Variants in AGPAT3 observed in about 807,000 individuals in gnomAD.
The protein encoded by AGPAT3 is 1-acyl-sn-glycerol-3-phosphate acyltransferase gamma.
In AGPAT3, 5 loss-of-function variants were observed where a neutral mutation model predicts 47.3. That is an observed-to-expected ratio of 0.11 (90% CI 0.06 to 0.22). The LOEUF is 0.22. Among genes scored for constraint, AGPAT3 ranks in the 10% least tolerant of loss-of-function variants. AGPAT3 has a pLI of 1.00. For missense variants in AGPAT3, 315 were observed against 493.0 expected (o/e 0.64, Z 3.42); for synonymous variants, 212 against 208.3 (o/e 1.02, Z -0.15).
At chr21:43,967,884 G>C (rs943032410) in intron 3 of AGPAT3, 62 bp from the exon 4 acceptor site, 1 of 1,542,730 alleles carries the variant, frequency 6.5e-7, no homozygotes, top group Admixed American at 1.9e-5. Context: ...TCCTGTGGGC[G>C]CTCCCTGACC....
chr21:43,956,623 C>T (rs2088479251), intron 2 of AGPAT3, among the ~76,000 whole-genome samples: 1 of 152,226 alleles, frequency 6.6e-6, no homozygotes, highest in Admixed American at 6.5e-5. Flanking sequence ...AACAGTACAA[C>T]TCCTTAACCC....
chr21:43,937,950 A>G (rs2087503088), intron 2 of AGPAT3, among the ~76,000 whole-genome samples: 1 of 152,088 alleles, frequency 6.6e-6, no homozygotes, highest in Admixed American at 6.5e-5. Flanking sequence ...TCATATTTGC[A>G]TATTTTGGGG....
At position 43,903,988 on chromosome 21, in the gene AGPAT3, G is replaced by C. The variant is rs897293901; in HGVS notation, c.-80G>C. 3.3e-5 allele frequency: 5 copies of C among 152,530 alleles called. No homozygotes were observed. The highest frequency in any genetic ancestry group is 1.3e-4 in the Admixed American group (2 of 15,286). 9.4% of individuals were successfully genotyped at this position (152,530 alleles called of 1,614,324 possible). Reference sequence around the variant, plus strand: ...CCAGCCGGAAGCCCTGAGGGCAGCTGTTCCCACTGGCTCTGCTGACCTTGT... The same window carrying C: ...CCAGCCGGAAGCCCTGAGGGCAGCTCTTCCCACTGGCTCTGCTGACCTTGT... On this transcript the variant is annotated 5_prime_UTR_variant, in exon 2 of 10. Coordinates refer to ENST00000291572, the MANE Select transcript of AGPAT3 (RefSeq NM_020132.5).
chr21:43,880,594 A>G lies in AGPAT3; in HGVS notation c.-112+15249A>G, dbSNP rs186748541. ...CAGTGGTATTGCCACTGAGTGTGGGATGGGTCACAGCTATGTCTGTGGCCT... is the reference window on the plus strand; with the variant it reads ...CAGTGGTATTGCCACTGAGTGTGGGGTGGGTCACAGCTATGTCTGTGGCCT... On this transcript the variant is annotated intron_variant, in intron 1 of 9. Transcript: ENST00000291572. The surrounding 1 kb of genome is among the most constrained non-coding windows in gnomAD (Gnocchi z 4.5). 2.6e-5 allele frequency among the ~76,000 whole-genome samples: 4 copies of G among 152,310 alleles called. No homozygotes were observed. Among genetic ancestry groups the G allele is most frequent in the African/African-American group, 9.6e-5 (4 of 41,544 alleles).
chr21:43,899,559 C>T (rs1291162782), intron 1 of AGPAT3, among the ~76,000 whole-genome samples: 1 of 152,178 alleles, frequency 6.6e-6, no homozygotes, highest in Non-Finnish European at 1.5e-5. Flanking sequence ...TTACCGAGTG[C>T]GTTGGGGAGG....
rs115715432 is a variant in AGPAT3, at chr21:43,893,222, A to G, written c.-111-10735A>G. Among the ~76,000 whole-genome samples, 1,357 of 152,320 alleles carry G rather than the reference A, an allele frequency of 8.9e-3. 24 individuals are homozygous for G. Among genetic ancestry groups the G allele is most frequent in the African/African-American group, 0.031 (1,272 of 41,562 alleles). ...CTTCACCTGCACTTTTATGTGAAGA[A>G]GATGTGGCTTCTTTTCTTAAATCTC... On this transcript the variant is annotated intron_variant, in intron 1 of 9. Transcript: ENST00000291572.
At chr21:43,969,050 G>T in intron 4 of AGPAT3, 68 bp from the exon 5 acceptor site, 2 of 1,543,710 alleles carry the variant, frequency 1.3e-6, no homozygotes, top group Non-Finnish European at 1.8e-6. Flanking sequence ...TGCAGCGGGA[G>T]CCTGGCCAAG....
chr21:43,911,396 T>C (rs2086630225), intron 2 of AGPAT3, among the ~76,000 whole-genome samples: 1 of 152,002 alleles, frequency 6.6e-6, no homozygotes, highest in African/African-American at 2.4e-5. Context: ...AGCTGCGCTC[T>C]TATATTGAGG....
intron 1 of AGPAT3, among the ~76,000 whole-genome samples, chr21:43,879,402 C>A (rs899864911): frequency 3.4e-5 from 5 of 148,274 alleles, no homozygotes; most frequent in Admixed American, 2.0e-4. Context: ...AGTAAAGCTT[C>A]ATCTCCTGTG....
chr21:43,967,705 T>A, intron 3 of AGPAT3: 1 of 505,112 alleles, frequency 2.0e-6, no homozygotes, highest in Non-Finnish European at 3.5e-6. Context: ...GATCAGCGTC[T>A]CCATGCAGAG....
Position 43,954,734 on chromosome 21 carries a change from T to G in AGPAT3, c.-48-4900T>G, listed in dbSNP as rs983977132. On this transcript the variant is annotated intron_variant, in intron 2 of 9. Coordinates refer to ENST00000291572, the MANE Select transcript of AGPAT3 (RefSeq NM_020132.5). The surrounding 1 kb of genome is among the most constrained non-coding windows in gnomAD (Gnocchi z 4.0). ...AGGGCTGAAGCCAGCCCCTCTGATC[T>G]GGCACTGGCCGGCTCCATTCACCCT... 6 of 153,400 alleles carry G rather than the reference T, an allele frequency of 3.9e-5. No individual in the cohort carries two copies. The highest frequency in any genetic ancestry group is 1.4e-4 in the African/African-American group (6 of 41,602). The allele number at this position is 153,400 out of a possible 1,614,324, so 9.5% of individuals were successfully genotyped here. A position where few individuals can be genotyped will look rare whatever the true frequency, so the allele number is the denominator to read the frequency against.
rs368002934 is a variant in AGPAT3, at chr21:43,951,012, G to A, written c.-48-8622G>A. 40 of 152,354 alleles carry A rather than the reference G, an allele frequency of 2.6e-4. 1 individual carries two copies. Among genetic ancestry groups the A allele is most frequent in the African/African-American group, 9.1e-4 (38 of 41,566 alleles). 9.4% of individuals were successfully genotyped at this position (152,354 alleles called of 1,614,324 possible). A position where few individuals can be genotyped will look rare whatever the true frequency, so the allele number is the denominator to read the frequency against. On this transcript the variant is annotated intron_variant, in intron 2 of 9. Transcript: ENST00000291572. ...TGAAGACCCTTTGAGATATCACTGCGTCTCTACTGTTCCTGATGGTGGACT... is the reference window on the plus strand; with the variant it reads ...TGAAGACCCTTTGAGATATCACTGCATCTCTACTGTTCCTGATGGTGGACT...
In AGPAT3 at chr21:43,930,249, G is replaced by A. The variant is rs916295091; in HGVS notation, c.-49+26230G>A. On this transcript the variant is annotated intron_variant, in intron 2 of 9. Transcript: ENST00000291572. The surrounding 1 kb of genome is among the most constrained non-coding windows in gnomAD (Gnocchi z 5.0). ...TTGTGGGAGGTCTCAGGGCAGAGAC[G>A]CCGCACGGTGGGGTAGGGGGCTCTG... is the stretch of plus-strand genomic sequence containing the variant. Among the ~76,000 whole-genome samples, 5 of 152,154 alleles carry A rather than the reference G, an allele frequency of 3.3e-5. No individual in the cohort carries two copies. Among genetic ancestry groups the A allele is most frequent in the African/African-American group, 1.2e-4 (5 of 41,442 alleles).
In AGPAT3 at chr21:43,880,029, C is replaced by T. The variant is rs961774554; in HGVS notation, c.-112+14684C>T. Among the ~76,000 whole-genome samples the T allele has an allele frequency of 1.3e-5, 2 of 152,220 alleles. No homozygotes were observed. The highest frequency in any genetic ancestry group is 2.1e-4 in the South Asian group (1 of 4,836). On this transcript the variant is annotated intron_variant, in intron 1 of 9. Transcript: ENST00000291572. This position sits in a 1 kb window ranked among gnomAD's most constrained non-coding sequence, Gnocchi z 4.5. ...TACTGTTTATTCTTGAAGAACAGGG[C>T]AGCATGACTCCGGGGCGGAGGACGC...
intron 1 of AGPAT3, among the ~76,000 whole-genome samples, chr21:43,903,320 A>G (rs763056699): frequency 6.6e-6 from 1 of 152,136 alleles, no homozygotes; most frequent in Non-Finnish European, 1.5e-5. Context: ...AGTTCTGGAG[A>G]TGGACAGGGG....
rs551616227 is a variant in AGPAT3, at chr21:43,933,669, C to T, written c.-48-25965C>T. ...CACTGGGGTTAGGCTCCAGTAGTCT[C>T]GGCATGTAGCAGCAAATGTGGGAGG... On this transcript the variant is annotated intron_variant, in intron 2 of 9. Transcript: ENST00000291572. This position sits in a 1 kb window ranked among gnomAD's most constrained non-coding sequence, Gnocchi z 6.0. Among the ~76,000 whole-genome samples, 14 of 151,926 alleles carry T rather than the reference C, an allele frequency of 9.2e-5. No individual in the cohort carries two copies. Among genetic ancestry groups the T allele is most frequent in the Middle Eastern group, 3.4e-3 (1 of 294 alleles).
Position 43,971,381 on chromosome 21 carries a change from C to T in AGPAT3, c.665-7C>T, listed in dbSNP as rs1383332811. On this transcript the variant is annotated splice_region_variant and splice_polypyrimidine_tract_variant and intron_variant, in intron 6 of 9. Coordinates refer to ENST00000291572, the MANE Select transcript of AGPAT3 (RefSeq NM_020132.5). ...TGGGTCATTCACCCTCCCGTCTCCT[C>T]CCACAGTCGCAGCTGTCTATGATGT... The T allele has an allele frequency of 1.2e-6, 2 of 1,613,760 alleles. No individual in the cohort carries two copies. The highest frequency in any genetic ancestry group is 2.2e-5 in the South Asian group (2 of 91,072).
In AGPAT3 at chr21:43,930,913, G is replaced by A. The variant is rs935295403; in HGVS notation, c.-49+26894G>A. 2.0e-5 allele frequency among the ~76,000 whole-genome samples: 3 copies of A among 152,186 alleles called. No homozygotes were observed. The highest frequency in any genetic ancestry group is 4.4e-5 in the Non-Finnish European group (3 of 68,018). On this transcript the variant is annotated intron_variant, in intron 2 of 9. Coordinates refer to ENST00000291572, the MANE Select transcript of AGPAT3 (RefSeq NM_020132.5). This position sits in a 1 kb window ranked among gnomAD's most constrained non-coding sequence, Gnocchi z 5.0. ...CTTCCTTCCTGCATGTTCCTGTTCCGCATTACAGATTGTTTTTATGGCCCC... is the reference window on the plus strand; with the variant it reads ...CTTCCTTCCTGCATGTTCCTGTTCCACATTACAGATTGTTTTTATGGCCCC...
rs370023736 is a variant in AGPAT3, at chr21:43,871,677, G to A, written c.-112+6332G>A. Among the ~76,000 whole-genome samples the A allele has an allele frequency of 5.1e-4, 78 of 152,316 alleles. No homozygotes were observed. The South Asian group carries it at 0.016, about 31-fold the overall frequency. ...AGCATCCTGCATATTTATTGGTTAT[G>A]TGTGTCCTTCCCTGTGAAGTTCCTG... On this transcript the variant is annotated intron_variant, in intron 1 of 9. Coordinates refer to ENST00000291572, the MANE Select transcript of AGPAT3 (RefSeq NM_020132.5).
Sources: allele counts gnomAD v4.1 joint callset (sites outside exome capture counted in the v4.1 genomes callset), GRCh38; gene constraint gnomAD v4.1.1; non-coding constraint Gnocchi (gnomAD v3.1); transcripts MANE v1.5; gene names NCBI Gene and HGNC (gene_info 2026-07-23, HGNC 2026-07-21).